The following MGAT5 variants were observed in gnomAD, a reference collection of about 807,000 sequenced individuals.
MGAT5 encodes the protein alpha-1,6-mannosylglycoprotein 6-beta-N-acetylglucosaminyltransferase, also known as alpha-1,6-mannosylglycoprotein 6-beta-N-acetylglucosaminyltransferase A.
MGAT5 carries 30 observed loss-of-function variants against 94.3 expected under a neutral mutation model. The ratio of observed to expected loss-of-function variants is 0.32; its 90% CI spans 0.24 to 0.43. The LOEUF is 0.43. Ranked by LOEUF, MGAT5 falls within the 20% of genes least tolerant of loss-of-function variation. The probability of loss-of-function intolerance (pLI) is 1.00; values close to 1 mark genes in which losing one functional copy is unlikely to be tolerated. For synonymous variants in MGAT5, 310 were observed against 322.9 expected, an observed-to-expected ratio of 0.96 and a Z score of 0.43; for missense variants, 691 against 905.5, an observed-to-expected ratio of 0.76 and a Z score of 3.04.
chr2:134,442,723 CATG>C (rs1224789214), intron 15 of MGAT5, among the ~76,000 whole-genome samples: 1 of 152,166 alleles, frequency 6.6e-6, no homozygotes, highest in Non-Finnish European at 1.5e-5. Context: ...GCCTCTCACC[CATG>C]ATCTTTGACA....
chr2:134,307,075 G>C, intron 2 of MGAT5, among the ~76,000 whole-genome samples: 1 of 152,064 alleles, frequency 6.6e-6, no homozygotes, highest in Admixed American at 6.6e-5. Flanking sequence ...GATTTTTATA[G>C]CTTTGTAACT....
chr2:134,344,719 C>T (rs1330711090), intron 7 of MGAT5, among the ~76,000 whole-genome samples: 2 of 151,990 alleles, frequency 1.3e-5, no homozygotes, highest in African/African-American at 4.8e-5. Flanking sequence ...TATATGCCAC[C>T]ATTTGCTTTT....
At chr2:134,127,034 T>G (rs531923820) in intron 1 of MGAT5, 1 of 154,456 alleles carries the variant, frequency 6.5e-6, no homozygotes, top group South Asian at 2.0e-4. Flanking sequence ...GATTTCTCTG[T>G]TTTCCTTTGG....
At chr2:134,319,074 G>T (rs1326712990) in intron 4 of MGAT5, among the ~76,000 whole-genome samples, 1 of 152,118 alleles carries the variant, frequency 6.6e-6, no homozygotes, top group African/African-American at 2.4e-5. Flanking sequence ...CATCACCACT[G>T]TCCCTCTCTA....
intron 5 of MGAT5, among the ~76,000 whole-genome samples, chr2:134,337,848 G>A (rs1018722964): frequency 8.8e-5 from 13 of 148,144 alleles, no homozygotes; most frequent in East Asian, 3.9e-4. Context: ...CAACTTCCAC[G>A]TTGTCAAACA....
intron 1 of MGAT5, among the ~76,000 whole-genome samples, chr2:134,151,346 C>T (rs112696475): frequency 4.5e-4 from 51 of 113,262 alleles, no homozygotes; most frequent in African/African-American, 6.7e-4. Flanking sequence ...ACCCACTCAC[C>T]GCCATGGGAC....
intron 12 of MGAT5, among the ~76,000 whole-genome samples, chr2:134,421,593 A>T (rs1237815712): frequency 1.3e-5 from 2 of 152,176 alleles, no homozygotes; most frequent in East Asian, 1.9e-4. Context: ...CAAAAAAAAA[A>T]AATAAAAAAC....
At chr2:134,261,472 G>C (rs989021214) in intron 1 of MGAT5, among the ~76,000 whole-genome samples, 2 of 152,110 alleles carry the variant, frequency 1.3e-5, no homozygotes, top group Non-Finnish European at 2.9e-5. Context: ...CTGAGCATTC[G>C]CCTGTCTTTG....
At chr2:134,209,152 A>ATTTTTTTTTTTTTTTTTT (rs869116395) in intron 1 of MGAT5, among the ~76,000 whole-genome samples, 4 of 20,776 alleles carry the variant, frequency 1.9e-4, no homozygotes, top group African/African-American at 6.5e-4. Context: ...TTTTTTTTTT[A>ATTTTTTTTTTTTTTTTTT]TTTTTTTTTT....
intron 2 of MGAT5, among the ~76,000 whole-genome samples, chr2:134,314,650 T>C (rs1686893910): frequency 6.6e-6 from 1 of 152,128 alleles, no homozygotes; most frequent in Admixed American, 6.5e-5. Context: ...AAATCCTGAC[T>C]AGGCTTGGGA....
intron 1 of MGAT5, among the ~76,000 whole-genome samples, chr2:134,217,238 G>GTGTGTGT (rs1553495170): frequency 2.1e-5 from 3 of 145,114 alleles, no homozygotes; most frequent in African/African-American, 5.2e-5. Context: ...GAGAGAGAGT[G>GTGTGTGT]GTGTGTGTGT....
At position 134,348,793 on chromosome 2, in the gene MGAT5, C is replaced by A. The variant is rs559446529; in HGVS notation, c.1113-1012C>A. On this transcript the variant is annotated intron_variant, in intron 8 of 15. Coordinates refer to ENST00000281923, the MANE Select transcript of MGAT5 (RefSeq NM_002410.5). ...AATTTACATCAAATATTTTGAAAGTCAGTGATGAAATATTATCAAAATCAA... is the reference window on the plus strand; with the variant it reads ...AATTTACATCAAATATTTTGAAAGTAAGTGATGAAATATTATCAAAATCAA... 7.2e-5 allele frequency among the ~76,000 whole-genome samples: 11 copies of A among 152,264 alleles called. No homozygotes were observed. In the East Asian group the frequency reaches 1.9e-3, roughly 27 times the overall value.
intron 1 of MGAT5, among the ~76,000 whole-genome samples, chr2:134,166,076 T>G (rs1425773384): frequency 6.6e-6 from 1 of 152,152 alleles, no homozygotes; most frequent in Non-Finnish European, 1.5e-5. Context: ...GACACAAAGG[T>G]CCCTGAAGAT....
intron 2 of MGAT5, among the ~76,000 whole-genome samples, chr2:134,312,904 T>A (rs186716495): frequency 1.3e-5 from 2 of 152,170 alleles, no homozygotes; most frequent in Admixed American, 1.3e-4. Flanking sequence ...TTATCCCCCA[T>A]CCATTTCTTT....
rs540020300 is a variant in MGAT5 at position 134,387,664 on chromosome 2, G to A, written c.1381-15324G>A. ...GTAACAAAACACCTAGCAAGCTCTT[G>A]CTGCATGCTACCTCATGTTGGAGGG... On this transcript the variant is annotated intron_variant, in intron 10 of 15. Transcript: ENST00000281923. 3.2e-4 allele frequency among the ~76,000 whole-genome samples: 48 copies of A among 152,180 alleles called. 1 individual carries two copies. In the South Asian group the frequency reaches 3.5e-3, roughly 11 times the overall value.
intron 4 of MGAT5, among the ~76,000 whole-genome samples, chr2:134,334,492 C>T (rs1339189326): frequency 1.2e-5 from 1 of 81,154 alleles, no homozygotes; most frequent in African/African-American, 5.6e-5. Context: ...TTTCCTTGCT[C>T]ATCCTTTTTT....
At chr2:134,169,603 C>T (rs1330915175) in intron 1 of MGAT5, among the ~76,000 whole-genome samples, 1 of 152,158 alleles carries the variant, frequency 6.6e-6, no homozygotes, top group African/African-American at 2.4e-5. Flanking sequence ...TTGATGAATG[C>T]TGTGGTGGTA....
chr2:134,299,666 T>C (rs1448152906), intron 2 of MGAT5, among the ~76,000 whole-genome samples: 1 of 152,166 alleles, frequency 6.6e-6, no homozygotes, highest in Non-Finnish European at 1.5e-5. Context: ...ATCTAATATT[T>C]ATCCCCTGTC....
At chr2:134,124,916 C>T (rs566803080) in intron 1 of MGAT5, among the ~76,000 whole-genome samples, 8 of 152,176 alleles carry the variant, frequency 5.3e-5, no homozygotes, top group African/African-American at 9.7e-5. Flanking sequence ...AGTTGTAGTT[C>T]GGTGCACAGA....
Sources: gnomAD v4.1 joint callset for allele counts (sites outside exome capture counted in the v4.1 genomes callset) on GRCh38, gnomAD v4.1.1 for gene constraint, MANE v1.5 for transcripts, NCBI Gene and HGNC (gene_info 2026-07-23, HGNC 2026-07-21) for gene names.